Variants in DSCAM observed in about 807,000 individuals in gnomAD.
DSCAM encodes DS cell adhesion molecule.
In DSCAM, 47 loss-of-function variants were observed where a neutral mutation model predicts 217.7. That is an observed-to-expected ratio of 0.22 (90% CI 0.17 to 0.28). DSCAM has a LOEUF of 0.28. Among genes scored for constraint, DSCAM ranks in the 10% least tolerant of loss-of-function variants. The probability of loss-of-function intolerance (pLI) is 1.00; values close to 1 mark genes in which losing one functional copy is unlikely to be tolerated. For missense variants in DSCAM, 2,080 were observed against 2,618.3 expected, an observed-to-expected ratio of 0.79 and a Z score of 4.49; for synonymous variants, 1,056 against 1,015.3, an observed-to-expected ratio of 1.04 and a Z score of -0.76.
intron 3 of DSCAM, among the ~76,000 whole-genome samples, chr21:40,549,218 C>G (rs1246619410): frequency 6.6e-6 from 1 of 152,150 alleles, no homozygotes; most frequent in Admixed American, 6.5e-5. Flanking sequence ...CATTTATCTT[C>G]TTGTTTTGAG....
intron 9 of DSCAM, among the ~76,000 whole-genome samples, chr21:40,298,740 T>C (rs2073983150): frequency 6.6e-6 from 1 of 152,140 alleles, no homozygotes. Context: ...TGTGCTCCAT[T>C]TGGCTCAAGT....
intron 11 of DSCAM, among the ~76,000 whole-genome samples, chr21:40,257,894 G>T (rs1234024681): frequency 2.0e-5 from 3 of 152,120 alleles, no homozygotes; most frequent in Admixed American, 2.0e-4. Context: ...GCTACAGAAA[G>T]CCCCTTTCTC....
At chr21:40,551,395 CT>C (rs2076628656) in intron 3 of DSCAM, among the ~76,000 whole-genome samples, 1 of 152,152 alleles carries the variant, frequency 6.6e-6, no homozygotes, top group Non-Finnish European at 1.5e-5. Flanking sequence ...TAGAAAGAAA[CT>C]GTCTGGATTA....
intron 1 of DSCAM, among the ~76,000 whole-genome samples, chr21:40,818,810 A>G (rs188295073): frequency 6.6e-6 from 1 of 152,332 alleles, no homozygotes; most frequent in East Asian, 1.9e-4. Context: ...AATTTAGATA[A>G]TGTCTAAAAC....
rs1216824417 is a variant in DSCAM, at chr21:40,376,515, T to A, written c.509-7270A>T. The stretch of plus-strand genomic sequence containing the variant: ...GATATCTATATATCTTATATCGATA[T>A]CTATATATCTTATATAGATATCGAT... On this transcript the variant is annotated intron_variant, in intron 3 of 32. Transcript: ENST00000400454. Among the ~76,000 whole-genome samples, 7 of 115,824 alleles carry A rather than the reference T, an allele frequency of 6.0e-5. No individual in the cohort carries two copies. In the Admixed American group the frequency reaches 7.2e-4, roughly 12 times the overall value. The allele number at this position is 115,824 out of a possible 152,430, so 76.0% of individuals were successfully genotyped here.
Position 40,348,097 on chromosome 21 carries a change from C to G in DSCAM, c.935-152G>C, listed in dbSNP as rs1186260445. 5 of 600,420 alleles carry G rather than the reference C, an allele frequency of 8.3e-6. No individual in the cohort carries two copies. In the African/African-American group the frequency reaches 9.3e-5, roughly 11 times the overall value. 37.2% of individuals were successfully genotyped at this position (600,420 alleles called of 1,614,324 possible). A position where few individuals can be genotyped will look rare whatever the true frequency, so the allele number is the denominator to read the frequency against. On this transcript the variant is annotated intron_variant, in intron 5 of 32. Transcript: ENST00000400454. Reference sequence around the variant, plus strand: ...CACATTATTGCAATCATACTCCACACAGTTCCCATCAGCCACATTATTGCA... The same window carrying G: ...CACATTATTGCAATCATACTCCACAGAGTTCCCATCAGCCACATTATTGCA...
chr21:40,344,423 A>C (rs1399074729), intron 6 of DSCAM, among the ~76,000 whole-genome samples: 2 of 152,148 alleles, frequency 1.3e-5, no homozygotes, highest in Non-Finnish European at 2.9e-5. Context: ...ATCATTTATT[A>C]ATGTGCAGGG....
At position 40,833,290 on chromosome 21, in the gene DSCAM, C is replaced by A. The variant is rs186535623; in HGVS notation, c.43+13329G>T. The stretch of plus-strand genomic sequence containing the variant: ...TTTCCCAGAGGTCTCTCCAGTCCAG[C>A]CTTTGCCTGAGAGAACAGGTTACAA... On this transcript the variant is annotated intron_variant, in intron 1 of 32. Transcript: ENST00000400454. Among the ~76,000 whole-genome samples, 8 of 152,236 alleles carry A rather than the reference C, an allele frequency of 5.3e-5. 1 individual carries two copies. The South Asian group carries it at 1.5e-3, about 28-fold the overall frequency.
intron 6 of DSCAM, among the ~76,000 whole-genome samples, chr21:40,342,354 A>C (rs1448429774): frequency 6.6e-6 from 1 of 151,902 alleles, no homozygotes; most frequent in Non-Finnish European, 1.5e-5. Context: ...TCTTTTCTTA[A>C]TAATGTATTT....
intron 3 of DSCAM, among the ~76,000 whole-genome samples, chr21:40,661,648 A>G (rs2090140546): frequency 6.6e-6 from 1 of 152,228 alleles, no homozygotes; most frequent in South Asian, 2.1e-4. Flanking sequence ...AGTGGAGTTT[A>G]GATTGATAAA....
intron 20 of DSCAM, among the ~76,000 whole-genome samples, chr21:40,107,363 T>C (rs62237597): frequency 0.089 from 13,532 of 152,234 alleles, 923 homozygotes; most frequent in East Asian, 0.29. Context: ...TTCTTTTGCA[T>C]TTGCTGAGGA....
intron 3 of DSCAM, among the ~76,000 whole-genome samples, chr21:40,674,970 A>G (rs1045505060): frequency 4.6e-5 from 7 of 152,048 alleles, no homozygotes; most frequent in Admixed American, 2.6e-4. Context: ...TTTGTTACTA[A>G]GAGTAAAAAT....
At chr21:40,441,908 C>T (rs1453359028) in intron 3 of DSCAM, among the ~76,000 whole-genome samples, 1 of 152,312 alleles carries the variant, frequency 6.6e-6, no homozygotes, top group Non-Finnish European at 1.5e-5. Context: ...TATTCTTCCA[C>T]TGCTCTTTTT....
rs1310651784 is a variant in DSCAM, at chr21:40,070,246, TAGGGAAGG to T, written c.4888+4783_4888+4790del. The stretch of plus-strand genomic sequence containing the variant: ...AGAAGGGGAAAGGAAGGAAGGAAGG[TAGGGAAGG>T]AGGGAGGGAGGGAGGGAGTGAAGGA... On this transcript the variant is annotated intron_variant, in intron 27 of 32. Coordinates refer to ENST00000400454, the MANE Select transcript of DSCAM (RefSeq NM_001389.5). Among the ~76,000 whole-genome samples, 10 of 85,072 alleles carry T rather than the reference TAGGGAAGG, an allele frequency of 1.2e-4. No homozygotes were observed. The East Asian group carries it at 3.6e-3, about 31-fold the overall frequency. 55.8% of individuals were successfully genotyped at this position (85,072 alleles called of 152,430 possible). A position where few individuals can be genotyped will look rare whatever the true frequency, so the allele number is the denominator to read the frequency against.
At chr21:40,359,217 A>C (rs914941930) in intron 4 of DSCAM, among the ~76,000 whole-genome samples, 2 of 152,222 alleles carry the variant, frequency 1.3e-5, no homozygotes, top group African/African-American at 4.8e-5. Context: ...CATCTCACGT[A>C]AAAATGGCTT....
intron 3 of DSCAM, among the ~76,000 whole-genome samples, chr21:40,683,824 T>G (rs546046908): frequency 1.3e-5 from 2 of 151,688 alleles, no homozygotes; most frequent in South Asian, 2.1e-4. Flanking sequence ...TGCAGCAGAG[T>G]TGAGAATGGG....
chr21:40,176,750 A>G (rs947670702), intron 15 of DSCAM, among the ~76,000 whole-genome samples: 6 of 152,216 alleles, frequency 3.9e-5, no homozygotes, highest in Non-Finnish European at 5.9e-5. Flanking sequence ...CAGCACACCC[A>G]GATACAATAC....
At chr21:40,836,192 T>C (rs925909920) in intron 1 of DSCAM, among the ~76,000 whole-genome samples, 3 of 152,218 alleles carry the variant, frequency 2.0e-5, no homozygotes, top group African/African-American at 7.2e-5. Context: ...ATGGATCTCT[T>C]GCCTGGAGCT....
At chr21:40,239,362 G>A (rs1219143540) in intron 11 of DSCAM, among the ~76,000 whole-genome samples, 2 of 152,236 alleles carry the variant, frequency 1.3e-5, no homozygotes, top group Non-Finnish European at 2.9e-5. Context: ...TAGATCACAA[G>A]ATAGAGAAGT....
Sources: gnomAD v4.1 joint callset for allele counts (sites outside exome capture counted in the v4.1 genomes callset) on GRCh38, gnomAD v4.1.1 for gene constraint, MANE v1.5 for transcripts, NCBI Gene and HGNC (gene_info 2026-07-23, HGNC 2026-07-21) for gene names.